FHIT: variants seen among roughly 807,000 people sequenced by gnomAD.
FHIT encodes bis(5'-adenosyl)-triphosphatase.
A neutral mutation model predicts 17.9 loss-of-function variants in FHIT; 19 were observed. That is an observed-to-expected ratio of 1.06 (90% CI 0.74 to 1.56). The LOEUF (loss-of-function observed/expected upper bound fraction) is 1.56, where lower values mean the gene tolerates loss of function less well. FHIT is among the 40% of genes most tolerant of loss of function. The pLI, the probability that FHIT is intolerant of heterozygous loss-of-function variation, is 0.00. For synonymous variants in FHIT, 81 were observed against 69.7 expected (o/e 1.16, Z -0.81); for missense variants, 248 against 189.2 (o/e 1.31, Z -1.82).
chr3:60,407,709 G>T (rs1358401650), intron 5 of FHIT, among the ~76,000 whole-genome samples: 1 of 151,956 alleles, frequency 6.6e-6, no homozygotes, highest in African/African-American at 2.4e-5. Context: ...TCGAGACAGG[G>T]TTTCACCATG....
At chr3:61,160,637 AGACT>A (rs147652890) in intron 2 of FHIT, among the ~76,000 whole-genome samples, 3,959 of 152,308 alleles carry the variant, frequency 0.026, 186 homozygotes, top group African/African-American at 0.091. Context: ...TTATTTGTGT[AGACT>A]GACTACCATG....
intron 5 of FHIT, among the ~76,000 whole-genome samples, chr3:60,156,285 GGTT>G (rs1391323451): frequency 6.6e-6 from 1 of 151,806 alleles, no homozygotes; most frequent in African/African-American, 2.4e-5. Flanking sequence ...GGGAGGCAGA[GGTT>G]GCAGTGAGCC....
At chr3:61,066,393 C>A (rs1158486042) in intron 2 of FHIT, among the ~76,000 whole-genome samples, 5 of 152,166 alleles carry the variant, frequency 3.3e-5, no homozygotes, top group African/African-American at 7.2e-5. Context: ...GTGGGTGGAT[C>A]ATCTGAGGTC....
chr3:59,904,637 T>C (rs1164710459), intron 8 of FHIT, among the ~76,000 whole-genome samples: 2 of 152,180 alleles, frequency 1.3e-5, no homozygotes, highest in Non-Finnish European at 1.5e-5. Context: ...GTGTTATAGC[T>C]TGTACCCGTG....
intron 5 of FHIT, among the ~76,000 whole-genome samples, chr3:60,441,784 A>ATGTGTG (rs1491110867): frequency 0.02 from 563 of 27,684 alleles, 73 homozygotes; most frequent in Admixed American, 0.034. Flanking sequence ...ATGTATAAAA[A>ATGTGTG]TATATATATA....
At chr3:59,814,008 T>G (rs1457445891) in intron 8 of FHIT, among the ~76,000 whole-genome samples, 3 of 150,034 alleles carry the variant, frequency 2.0e-5, no homozygotes, top group Non-Finnish European at 2.9e-5. Context: ...AAAGGACGGA[T>G]TCATCCGACT....
chr3:59,773,647 C>A (rs192397050), intron 8 of FHIT, among the ~76,000 whole-genome samples: 27 of 149,970 alleles, frequency 1.8e-4, no homozygotes, highest in African/African-American at 6.6e-4. Context: ...ATCTCCTGTG[C>A]CATCTTCCTG....
intron 8 of FHIT, among the ~76,000 whole-genome samples, chr3:59,825,545 T>G (rs1386552855): frequency 1.3e-5 from 2 of 152,184 alleles, no homozygotes; most frequent in African/African-American, 4.8e-5. Flanking sequence ...CCATGAAGAT[T>G]TCTCCAATAT....
At chr3:60,498,693 T>C (rs2034402383) in intron 5 of FHIT, among the ~76,000 whole-genome samples, 1 of 152,170 alleles carries the variant, frequency 6.6e-6, no homozygotes, top group African/African-American at 2.4e-5. Context: ...AACAAACAGT[T>C]AAACAACATC....
intron 5 of FHIT, among the ~76,000 whole-genome samples, chr3:60,220,522 A>G (rs1016256151): frequency 1.3e-5 from 2 of 152,340 alleles, no homozygotes; most frequent in Non-Finnish European, 2.9e-5. Context: ...AATGATTTAT[A>G]TAATTTCTAA....
At chr3:60,443,405 G>A (rs1478274702) in intron 5 of FHIT, among the ~76,000 whole-genome samples, 1 of 152,074 alleles carries the variant, frequency 6.6e-6, no homozygotes, top group Non-Finnish European at 1.5e-5. Flanking sequence ...TATTGGCTGT[G>A]GGTTTGTCAT....
chr3:60,659,718 G>A (rs1471738274), intron 4 of FHIT, among the ~76,000 whole-genome samples: 2 of 151,886 alleles, frequency 1.3e-5, no homozygotes, highest in Non-Finnish European at 2.9e-5. Flanking sequence ...GCATCTTTAA[G>A]ATACTTGTTT....
intron 4 of FHIT, among the ~76,000 whole-genome samples, chr3:60,663,332 C>T (rs2040307092): frequency 6.6e-6 from 1 of 151,410 alleles, no homozygotes; most frequent in South Asian, 2.1e-4. Flanking sequence ...GACATCTTTA[C>T]CATGCTGAGC....
chr3:60,341,710 C>T (rs1473257247), intron 5 of FHIT, among the ~76,000 whole-genome samples: 2 of 152,152 alleles, frequency 1.3e-5, no homozygotes, highest in Non-Finnish European at 2.9e-5. Context: ...AAATTCTACA[C>T]TTAGATTGAC....
chr3:61,241,800 A>C (rs1027574807), intron 1 of FHIT, among the ~76,000 whole-genome samples: 1 of 152,224 alleles, frequency 6.6e-6, no homozygotes, highest in Non-Finnish European at 1.5e-5. Flanking sequence ...TGAACTTCTC[A>C]AGCAGTTTCT....
intron 5 of FHIT, among the ~76,000 whole-genome samples, chr3:60,110,640 T>G (rs1033983305): frequency 6.6e-6 from 1 of 152,180 alleles, no homozygotes; most frequent in Admixed American, 6.5e-5. Context: ...AAAACAGACA[T>G]ACTAACATGA....
chr3:60,962,089 T>A (rs1709483475), intron 3 of FHIT, among the ~76,000 whole-genome samples: 1 of 152,216 alleles, frequency 6.6e-6, no homozygotes, highest in African/African-American at 2.4e-5. Context: ...TTTGTTTGTA[T>A]CCTCTTTTAT....
intron 4 of FHIT, among the ~76,000 whole-genome samples, chr3:60,711,718 T>A (rs1370502258): frequency 6.6e-6 from 1 of 151,724 alleles, no homozygotes; most frequent in Non-Finnish European, 1.5e-5. Flanking sequence ...GAAGGGAAGT[T>A]TAGAGAAAGA....
chr3:60,169,879 C>T (rs1034845077), intron 5 of FHIT, among the ~76,000 whole-genome samples: 1 of 152,132 alleles, frequency 6.6e-6, no homozygotes, highest in Non-Finnish European at 1.5e-5. Context: ...GGAAGCAAAG[C>T]TACCCTACAG....
Sources: allele counts gnomAD v4.1 joint callset (sites outside exome capture counted in the v4.1 genomes callset), GRCh38; gene constraint gnomAD v4.1.1; transcripts MANE v1.5; gene names NCBI Gene and HGNC (gene_info 2026-07-23, HGNC 2026-07-21).